Variants in MYO5C observed in about 807,000 individuals in gnomAD.
MYO5C encodes unconventional myosin-Vc.
In MYO5C, 194 loss-of-function variants were observed where a neutral mutation model predicts 235.7. The ratio of observed to expected loss-of-function variants is 0.82; its 90% CI spans 0.73 to 0.93. The LOEUF is 0.93. Ranked by LOEUF, MYO5C falls within the 40% of genes least tolerant of loss-of-function variation. The probability of loss-of-function intolerance (pLI) is 0.00; values close to 1 mark genes in which losing one functional copy is unlikely to be tolerated. For synonymous variants in MYO5C, 707 were observed against 754.8 expected (o/e 0.94, Z 1.04); for missense variants, 2,038 against 2,127.2 (o/e 0.96, Z 0.82).
intron 17 of MYO5C, 59 bp downstream of exon 17, chr15:52,245,897 T>C: frequency 3.4e-6 from 5 of 1,489,208 alleles, no homozygotes; most frequent in Non-Finnish European, 4.7e-6. Context: ...TGTCCTTGGT[T>C]CTCAGCATAG....
intron 1 of MYO5C, among the ~76,000 whole-genome samples, chr15:52,284,220 AAC>A: frequency 6.6e-6 from 1 of 152,204 alleles, no homozygotes; most frequent in East Asian, 1.9e-4. Context: ...AAAAAAAAAA[AAC>A]ACCTGCAGAA....
chr15:52,245,067 C>T (rs1366078353), intron 18 of MYO5C, among the ~76,000 whole-genome samples: 1 of 152,182 alleles, frequency 6.6e-6, no homozygotes, highest in African/African-American at 2.4e-5. Flanking sequence ...TTGACCATAT[C>T]CTATAAGCCT....
chr15:52,291,374 G>T (rs893050989), intron 1 of MYO5C, among the ~76,000 whole-genome samples: 1 of 152,182 alleles, frequency 6.6e-6, no homozygotes, highest in African/African-American at 2.4e-5. Context: ...CAGCTGTCAA[G>T]CTCTCTGGGC....
chr15:52,273,977 C>T (rs559729383), intron 5 of MYO5C, among the ~76,000 whole-genome samples: 23 of 152,204 alleles, frequency 1.5e-4, no homozygotes, highest in African/African-American at 5.5e-4. Context: ...CAAAAAACTG[C>T]TCCTTCCCAT....
At chr15:52,293,899 A>G (rs1415921698) in intron 1 of MYO5C, among the ~76,000 whole-genome samples, 5 of 152,174 alleles carry the variant, frequency 3.3e-5, no homozygotes, top group African/African-American at 7.2e-5. Context: ...TCTGGCTGCC[A>G]TGGCCCTCCC....
intron 20 of MYO5C, among the ~76,000 whole-genome samples, chr15:52,240,368 A>C (rs2036185660): frequency 2.0e-5 from 3 of 152,014 alleles, no homozygotes. Context: ...CAGGAGTTCA[A>C]GACCAGCCTA....
intron 1 of MYO5C, among the ~76,000 whole-genome samples, chr15:52,289,697 C>T (rs79978076): frequency 3.3e-5 from 5 of 152,000 alleles, no homozygotes; most frequent in African/African-American, 9.7e-5. Context: ...TTTGGGCAGA[C>T]AGACTCTCTC....
At chr15:52,226,095 AT>A (rs140925061) in intron 25 of MYO5C, among the ~76,000 whole-genome samples, 7,669 of 151,750 alleles carry the variant, frequency 0.051, 401 homozygotes, top group African/African-American at 0.13. Context: ...AGAAAAAAAA[AT>A]ACCTACTATA....
intron 5 of MYO5C, among the ~76,000 whole-genome samples, chr15:52,274,299 G>A (rs946394187): frequency 3.3e-5 from 5 of 152,186 alleles, no homozygotes; most frequent in Non-Finnish European, 7.3e-5. Flanking sequence ...TTTATTTTGA[G>A]ATGGGGTCCT....
At chr15:52,219,134 T>C (rs2141283305) in intron 31 of MYO5C, among the ~76,000 whole-genome samples, 1 of 152,316 alleles carries the variant, frequency 6.6e-6, no homozygotes, top group South Asian at 2.1e-4. Flanking sequence ...TGGGTCCTCA[T>C]CCTACTGATA....
At chr15:52,266,218 G>A (rs112704167) in intron 8 of MYO5C, among the ~76,000 whole-genome samples, 4 of 86,294 alleles carry the variant, frequency 4.6e-5, no homozygotes, top group African/African-American at 7.7e-5. Flanking sequence ...ATCATCCTTA[G>A]TGAGCCTGTC....
chr15:52,244,536 T>C lies in MYO5C; in HGVS notation c.2210A>G (p.Lys737Arg), dbSNP rs947197619. 11 of 1,613,846 alleles carry C rather than the reference T, an allele frequency of 6.8e-6. No homozygotes were observed. Among genetic ancestry groups the C allele is most frequent in the Admixed American group, 3.3e-5 (2 of 59,990 alleles). ...CACTTGTCCTGCTCTGAAGAAAATTTTGGTTTTACCAAACTGGTACTGATT... is the reference window on the plus strand; with the variant it reads ...CACTTGTCCTGCTCTGAAGAAAATTCTGGTTTTACCAAACTGGTACTGATT... ...DSNQYQFGKT[K>R]IFFRAGQVAY... The change falls in exon 19 of 41, where the codon AAA (lysine) becomes AGA (arginine). Residue 737 changes from lysine to arginine, a missense_variant. Coordinates refer to ENST00000261839, the MANE Select transcript of MYO5C (RefSeq NM_018728.4).
intron 22 of MYO5C, chr15:52,237,186 T>G: frequency 3.9e-6 from 1 of 253,866 alleles, no homozygotes; most frequent in Non-Finnish European, 7.5e-6. Context: ...AAGGTCATCC[T>G]GGAAGAAAGG....
rs180940537 is a variant in MYO5C, at chr15:52,224,124, A to G, written c.3447-400T>C. 3.1e-4 allele frequency among the ~76,000 whole-genome samples: 47 copies of G among 152,292 alleles called. 1 individual carries two copies. Among genetic ancestry groups the G allele is most frequent in the Non-Finnish European group, 5.1e-4 (35 of 68,018 alleles). On this transcript the variant is annotated intron_variant, in intron 28 of 40. Coordinates refer to ENST00000261839, the MANE Select transcript of MYO5C (RefSeq NM_018728.4). ...ATGGTGAAATCCCGTCTCTACTAAA[A>G]ATACAAAAATTAGCCAGGTGTGGTA...
intron 22 of MYO5C, among the ~76,000 whole-genome samples, chr15:52,235,971 T>C (rs966813318): frequency 1.3e-5 from 2 of 152,230 alleles, no homozygotes; most frequent in Non-Finnish European, 2.9e-5. Flanking sequence ...AAGGTGACAC[T>C]ATTCCCGACC....
At chr15:52,252,112 A>T (rs7182505) in intron 12 of MYO5C, among the ~76,000 whole-genome samples, 9,554 of 152,298 alleles carry the variant, frequency 0.063, 613 homozygotes, top group African/African-American at 0.16. Context: ...GATACATCAA[A>T]GTCTCTTTAG....
chr15:52,215,509 G>A (rs1256592571), intron 32 of MYO5C, among the ~76,000 whole-genome samples: 2 of 152,198 alleles, frequency 1.3e-5, no homozygotes, highest in Non-Finnish European at 2.9e-5. Flanking sequence ...GGGGCCGAGG[G>A]ACATTGTGCT....
At chr15:52,200,092 C>A (rs940637616) in intron 38 of MYO5C, among the ~76,000 whole-genome samples, 13 of 152,160 alleles carry the variant, frequency 8.5e-5, no homozygotes, top group Admixed American at 5.2e-4. Flanking sequence ...TACCATTACC[C>A]AAGTTCCAAG....
chr15:52,292,692 T>G (rs2037416769), intron 1 of MYO5C, among the ~76,000 whole-genome samples: 2 of 152,230 alleles, frequency 1.3e-5, no homozygotes, highest in African/African-American at 2.4e-5. Context: ...CACTGAAAGC[T>G]CTTGGTCAAT....
Sources: gnomAD v4.1 joint callset for allele counts (sites outside exome capture counted in the v4.1 genomes callset) on GRCh38, gnomAD v4.1.1 for gene constraint, MANE v1.5 for transcripts, NCBI Gene and HGNC (gene_info 2026-07-23, HGNC 2026-07-21) for gene names.